The following PRAMEF33 variants were observed in gnomAD, a reference collection of about 807,000 sequenced individuals.
PRAMEF33 encodes PRAME family member 33, also known as PRAME family member 10-like.
A neutral mutation model predicts 28.1 loss-of-function variants in PRAMEF33; 5 were observed. The observed-to-expected ratio is 0.18, with a 90% CI of 0.09 to 0.37. The LOEUF (loss-of-function observed/expected upper bound fraction) is 0.37. PRAMEF33 is among the 10% of genes least tolerant of loss of function. PRAMEF33 has a pLI of 1.00. For missense variants in PRAMEF33, 62 were observed against 471.1 expected, an observed-to-expected ratio of 0.13 and a Z score of 8.04; for synonymous variants, 28 against 183.2, an observed-to-expected ratio of 0.15 and a Z score of 6.84.
At chr1:13,304,166 G>T (rs1232013484) in intron 1 of PRAMEF33, 1 of 151,138 alleles carries the variant, frequency 6.6e-6, no homozygotes, top group Non-Finnish European at 1.5e-5. Context: ...GACCTCAAGT[G>T]ATCCACCTGC....
chr1:13,305,680 G>T lies in PRAMEF33; in HGVS notation c.-25-250G>T, dbSNP rs1459549049. ...TCGGTAACATTTCCCAGTGCTATGA[G>T]TTTATTGCAACAGTGGCTAATAATT... On this transcript the variant is annotated intron_variant, in intron 1 of 3. Coordinates refer to ENST00000437300, the MANE Select transcript of PRAMEF33 (RefSeq NM_001291381.1). 15 of 492,876 alleles carry T rather than the reference G, an allele frequency of 3.0e-5. No homozygotes were observed. The Admixed American group carries it at 5.2e-4, about 17-fold the overall frequency. 30.5% of individuals were successfully genotyped at this position (492,876 alleles called of 1,614,324 possible).
At chr1:13,307,864 AAAAAAG>A (rs1479590510) in intron 3 of PRAMEF33, 1 of 142,214 alleles carries the variant, frequency 7.0e-6, no homozygotes, top group Non-Finnish European at 1.6e-5. Flanking sequence ...CTCAAAAAAA[AAAAAAG>A]AGAAAGTACA....
intron 1 of PRAMEF33, chr1:13,304,236 A>T (rs1271131199): frequency 1.3e-5 from 2 of 149,882 alleles, no homozygotes; most frequent in Non-Finnish European, 3.0e-5. Flanking sequence ...GCCTCTACAA[A>T]ATATACATAT....
At position 13,306,675 on chromosome 1, in the gene PRAMEF33, G is replaced by A. The variant is rs1327095098; in HGVS notation, c.325G>A (p.Asp109Asn). The part of the protein sequence containing the change: ...KLQVLDLQDV[D>N]ENFWTIWSGA... ...TCAAGTGCTGGATTTGCAGGATGTT[G>A]ATGAGAATTTCTGGACCATATGGTC... is the stretch of plus-strand genomic sequence containing the variant. The change falls in exon 3 of 4, where the codon GAT (aspartate) becomes AAT (asparagine). Residue 109 changes from aspartate (D) to asparagine (N), a missense_variant. By Grantham distance (23) the Asp-to-Asn change is conservative (BLOSUM62 1). Coordinates refer to ENST00000437300, the MANE Select transcript of PRAMEF33 (RefSeq NM_001291381.1). 1.6e-5 allele frequency: 19 copies of A among 1,224,142 alleles called. 1 individual carries two copies. In the African/African-American group the frequency reaches 2.7e-4, roughly 17 times the overall value. The allele number at this position is 1,224,142 out of a possible 1,614,324, so 75.8% of individuals were successfully genotyped here.
chr1:13,306,751 C>G lies in PRAMEF33; in HGVS notation c.401C>G (p.Thr134Arg). 2 of 1,415,664 alleles carry G rather than the reference C, an allele frequency of 1.4e-6. No individual in the cohort carries two copies. Among genetic ancestry groups the G allele is most frequent in the Non-Finnish European group, 1.9e-6 (2 of 1,034,392 alleles). 87.7% of individuals were successfully genotyped at this position (1,415,664 alleles called of 1,614,324 possible). Reference sequence around the variant, plus strand: ...CCAGAGGCCATGAGTAAGAGGCAGACAGTGGAGGACTGTCCAAGGATGGGA... The same window carrying G: ...CCAGAGGCCATGAGTAAGAGGCAGAGAGTGGAGGACTGTCCAAGGATGGGA... Reference protein sequence around the residue: ...CSPEAMSKRQTVEDCPRMGEH... With the variant: ...CSPEAMSKRQRVEDCPRMGEH... Residue 134 changes from threonine (T) to arginine (R), a missense_variant, in exon 3 of 4, where the codon ACA (threonine) becomes AGA (arginine). Transcript: ENST00000437300.
chr1:13,305,462 G>A (rs1639848430), intron 1 of PRAMEF33: 1 of 167,980 alleles, frequency 6.0e-6, no homozygotes, highest in South Asian at 1.2e-4. Context: ...AAGCTTCTTG[G>A]TGAAATTTTC....
At chr1:13,304,103 T>G (rs1639834573) in intron 1 of PRAMEF33, 1 of 151,178 alleles carries the variant, frequency 6.6e-6, no homozygotes, top group Non-Finnish European at 1.5e-5. Context: ...ACTTTTTGTA[T>G]TTTTAGTAGA....
Position 13,306,171 on chromosome 1 carries a change from C to CTT in PRAMEF33, c.217_218insTT (p.Pro73LeufsTer11). 1 of 1,514,472 alleles carries CTT rather than the reference C, an allele frequency of 6.6e-7. No homozygotes were observed. Among genetic ancestry groups the CTT allele is most frequent in the Non-Finnish European group, 9.1e-7 (1 of 1,103,146 alleles). 93.8% of individuals were successfully genotyped at this position (1,514,472 alleles called of 1,614,324 possible). On this transcript the variant is annotated frameshift_variant, in exon 2 of 4. Transcript: ENST00000437300. LOFTEE classifies it high-confidence loss of function. ...CCCTCTGGGATCCCTGATGAAGACA[C>CTT]CTCATCTGGAGACCTTGCAAGCTGT...
Position 13,308,416 on chromosome 1 carries a change from C to T in PRAMEF33, c.954C>T (p.Ser318=), listed in dbSNP as rs1639894962. 1 of 1,169,462 alleles carries T rather than the reference C, an allele frequency of 8.6e-7. No individual in the cohort carries two copies. Among genetic ancestry groups the T allele is most frequent in the African/African-American group, 1.8e-5 (1 of 55,698 alleles). The allele number at this position is 1,169,462 out of a possible 1,614,324, so 72.4% of individuals were successfully genotyped here. A position where few individuals can be genotyped will look rare whatever the true frequency, so the allele number is the denominator to read the frequency against. Residue 318 remains serine (S), a synonymous_variant, in exon 4 of 4, where the codon AGC becomes AGT. Transcript: ENST00000437300. ...TGGAGTGTCTGTCTCAGTACCCAAG[C>T]CTCAGTCAGCTAAAGGAGCTGCGTC... ...RDMECLSQYP[S]LSQLKELRLI...
In PRAMEF33 at chr1:13,308,827, C is replaced by T. The variant is rs1275545694; in HGVS notation, c.1365C>T (p.Val455=). 129 of 1,603,940 alleles carry T rather than the reference C, an allele frequency of 8.0e-5. 3 individuals are homozygous for T. The highest frequency in any genetic ancestry group is 1.1e-4 in the Non-Finnish European group (125 of 1,175,966). Residue 455 remains valine, a synonymous_variant, in exon 4 of 4, where the codon GTC becomes GTT. Coordinates refer to ENST00000437300, the MANE Select transcript of PRAMEF33 (RefSeq NM_001291381.1). ...CCAAGAGGATCTTCTTTGGTCCCGT[C>T]CCTTGCCCTACCTGTGGCTCATGGC... ...RQPKRIFFGP[V]PCPTCGSWPS...
rs1158202541 is a variant in PRAMEF33, at chr1:13,308,742, G to T, written c.1280G>T (p.Trp427Leu). The change falls in exon 4 of 4, where the codon TGG becomes TTG. Residue 427 changes from tryptophan to leucine, a missense_variant. Physicochemically the swap from Trp to Leu is moderately conservative, Grantham distance 61 (BLOSUM62 -2). Coordinates refer to ENST00000437300, the MANE Select transcript of PRAMEF33 (RefSeq NM_001291381.1). ...ESLDYKGHVN[W>L]EILTPIRAEL... ...CTTGACTACAAGGGTCATGTCAATT[G>T]GGAGATCCTCACCCCAATTCGGGCT... The T allele has an allele frequency of 1.3e-6, 2 of 1,589,246 alleles. No homozygotes were observed. Among genetic ancestry groups the T allele is most frequent in the Non-Finnish European group, 1.7e-6 (2 of 1,167,454 alleles).
In PRAMEF33 at chr1:13,308,844, G is replaced by A. The variant is rs1475383416; in HGVS notation, c.1382G>A (p.Gly461Asp). ...FFGPVPCPTCGSWPSEKVDFH... is the reference protein window; with the variant it reads ...FFGPVPCPTCDSWPSEKVDFH... ...GGTCCCGTCCCTTGCCCTACCTGTGGCTCATGGCCATCTGAGAAAGTGGAC... is the reference window on the plus strand; with the variant it reads ...GGTCCCGTCCCTTGCCCTACCTGTGACTCATGGCCATCTGAGAAAGTGGAC... Residue 461 changes from glycine to aspartate, a missense_variant, in exon 4 of 4, where the codon GGC (glycine) becomes GAC (aspartate). By Grantham distance (94) the Gly-to-Asp change is moderately conservative. Transcript: ENST00000437300. The A allele has an allele frequency of 8.1e-6, 13 of 1,604,886 alleles. No individual in the cohort carries two copies. The highest frequency in any genetic ancestry group is 6.7e-5 in the Admixed American group (4 of 59,544).
Position 13,308,602 on chromosome 1 carries a change from CA to C in PRAMEF33, c.1141del (p.Thr381ProfsTer11), listed in dbSNP as rs1463469780. On this transcript the variant is annotated frameshift_variant, in exon 4 of 4. Coordinates refer to ENST00000437300, the MANE Select transcript of PRAMEF33 (RefSeq NM_001291381.1). LOFTEE classifies it high-confidence loss of function. The stretch of plus-strand genomic sequence containing the variant: ...CCCTGAGCCACTGTTCCCAGCTCAC[CA>C]CCTTCAACTTTCATGGAAATGAGAC... ...PALSHCSQLT[T>X]FNFHGNETSM... 3.5e-5 allele frequency: 46 copies of C among 1,311,464 alleles called. No individual in the cohort carries two copies. The highest frequency in any genetic ancestry group is 4.8e-5 in the Non-Finnish European group (45 of 930,442). The allele number at this position is 1,311,464 out of a possible 1,614,324, so 81.2% of individuals were successfully genotyped here.
chr1:13,304,094 C>A (rs1324566338), intron 1 of PRAMEF33: 53 of 150,956 alleles, frequency 3.5e-4, no homozygotes, highest in African/African-American at 9.5e-4. Context: ...TGCCTGGCTA[C>A]TTTTTGTATT....
chr1:13,307,622 A>G (rs1219555807), intron 3 of PRAMEF33: 4 of 60,438 alleles, frequency 6.6e-5, no homozygotes, highest in African/African-American at 4.1e-4. Flanking sequence ...CTGTAATCCC[A>G]GCACTTCGGG....
chr1:13,304,141 T>TAATTCCAA (rs1639834847), intron 1 of PRAMEF33: 1 of 151,222 alleles, frequency 6.6e-6, no homozygotes, highest in Admixed American at 6.6e-5. Flanking sequence ...CTGGCCAAGT[T>TAATTCCAA]GGTCTCAAAC....
At chr1:13,306,419 T>A in intron 2 of PRAMEF33, 178 bp downstream of exon 2, 1 of 597,786 alleles carries the variant, frequency 1.7e-6, no homozygotes, top group Non-Finnish European at 3.0e-6. Flanking sequence ...CCATACAGGG[T>A]CCACTGAGGA....
intron 3 of PRAMEF33, 125 bp from the exon 4 acceptor site, chr1:13,308,195 GTTACTATAA>G: frequency 3.1e-6 from 2 of 651,986 alleles, no homozygotes; most frequent in Non-Finnish European, 5.5e-6. Context: ...CCCCATTGCA[GTTACTATAA>G]CACCTGTGTG....
chr1:13,308,069 G>A (rs1639888406), intron 3 of PRAMEF33: 1 of 402,760 alleles, frequency 2.5e-6, no homozygotes, highest in East Asian at 5.3e-5. Flanking sequence ...AGGGTGAAAG[G>A]ACTGAGCCTA....
Sources: gnomAD v4.1 joint callset for allele counts on GRCh38, gnomAD v4.1.1 for gene constraint, MANE v1.5 for transcripts, NCBI Gene and HGNC (gene_info 2026-07-23, HGNC 2026-07-21) for gene names.